The following MMEL1 variants were observed in gnomAD, a reference collection of about 807,000 sequenced individuals.
MMEL1 encodes the protein membrane metallo-endopeptidase-like 1.
In MMEL1, 98 loss-of-function variants were observed where a neutral mutation model predicts 117.1. That is an observed-to-expected ratio of 0.84 (90% CI 0.71 to 0.99). The LOEUF (loss-of-function observed/expected upper bound fraction) is 0.99, where lower values mean the gene tolerates loss of function less well. Ranked by LOEUF, MMEL1 falls within the 50% of genes least tolerant of loss-of-function variation. The probability of loss-of-function intolerance (pLI) is 0.00; values close to 1 mark genes in which losing one functional copy is unlikely to be tolerated. For missense variants in MMEL1, 1,014 were observed against 1,049.1 expected, an observed-to-expected ratio of 0.97 and a Z score of 0.46; for synonymous variants, 390 against 415.1, an observed-to-expected ratio of 0.94 and a Z score of 0.74.
At chr1:2,591,213 G>A in intron 23 of MMEL1, 124 bp from the exon 24 acceptor site, 1 of 657,714 alleles carries the variant, frequency 1.5e-6, no homozygotes, top group Non-Finnish European at 2.5e-6. Flanking sequence ...AGTATGAGCA[G>A]AAACATTTCA....
At chr1:2,596,476 G>T (rs779195272) in intron 14 of MMEL1, 85 bp downstream of exon 14, 32 of 1,538,292 alleles carry the variant, frequency 2.1e-5, no homozygotes, top group Non-Finnish European at 2.7e-5. Flanking sequence ...CCTGAGCCTG[G>T]GCGGGGTGGG....
chr1:2,603,126 G>A (rs536599176), intron 11 of MMEL1, among the ~76,000 whole-genome samples: 1 of 152,276 alleles, frequency 6.6e-6, no homozygotes, highest in South Asian at 2.1e-4. Context: ...GGTGCCCTGG[G>A]GCGAGGCTCT....
intron 5 of MMEL1, 50 bp downstream of exon 5, chr1:2,609,620 G>C: frequency 6.3e-7 from 1 of 1,578,904 alleles, no homozygotes; most frequent in East Asian, 2.2e-5. Flanking sequence ...CTGGCCCGGT[G>C]CTGTCCTGTT....
intron 2 of MMEL1, among the ~76,000 whole-genome samples, chr1:2,616,379 A>G (rs1184038567): frequency 2.0e-5 from 3 of 151,578 alleles, no homozygotes; most frequent in African/African-American, 7.3e-5. Flanking sequence ...AAAAAGACAC[A>G]TTATATTGAG....
In MMEL1 at chr1:2,632,938, G is replaced by A. The variant is rs551687338; in HGVS notation, c.-110C>T. The A allele has an allele frequency of 1.0e-6, 1 of 985,792 alleles. No individual in the cohort carries two copies. Among genetic ancestry groups the A allele is most frequent in the Non-Finnish European group, 1.2e-6 (1 of 830,178 alleles). The allele number at this position is 985,792 out of a possible 1,614,324, so 61.1% of individuals were successfully genotyped here. A position where few individuals can be genotyped will look rare whatever the true frequency, so the allele number is the denominator to read the frequency against. On this transcript the variant is annotated 5_prime_UTR_variant, in exon 1 of 24. Transcript: ENST00000378412. ...ACTGGGTCCCAGTGGGTTGGAGTTG[G>A]GGTGAGCTGGGCCAAGTGGGTGGAT...
At chr1:2,610,441 G>T (rs1645107245) in intron 4 of MMEL1, among the ~76,000 whole-genome samples, 1 of 152,166 alleles carries the variant, frequency 6.6e-6, no homozygotes. Flanking sequence ...TGAGGCGATG[G>T]CTGAGATGGT....
rs142520543 is a variant in MMEL1, at chr1:2,606,309, C to A, written c.689G>T (p.Arg230Leu). 12 of 1,612,916 alleles carry A rather than the reference C, an allele frequency of 7.4e-6. No homozygotes were observed. The highest frequency in any genetic ancestry group is 1.3e-5 in the African/African-American group (1 of 74,930). Residue 230 changes from arginine to leucine, a missense_variant, in exon 8 of 24, where the codon CGC becomes CTC. Arg to Leu is a moderately radical substitution (Grantham distance 102). Transcript: ENST00000378412. ...CCAGATGAAGAGGTCGATGAGGACG[C>A]GCCTGTTGAACTGTGAGTTCATCAG... is the stretch of plus-strand genomic sequence containing the variant. The part of the protein sequence containing the change: ...LALMNSQFNR[R>L]VLIDLFIWND...
At chr1:2,622,901 A>G (rs1645311902) in intron 2 of MMEL1, among the ~76,000 whole-genome samples, 1 of 111,202 alleles carries the variant, frequency 9.0e-6, no homozygotes, top group African/African-American at 3.8e-5. Context: ...AAAAAAAAAA[A>G]AAGTCCAGGA....
chr1:2,626,650 A>C (rs1011570187), intron 2 of MMEL1, among the ~76,000 whole-genome samples: 1 of 152,288 alleles, frequency 6.6e-6, no homozygotes, highest in African/African-American at 2.4e-5. Flanking sequence ...GGAGGAGTAG[A>C]ATTCTAGGAT....
At chr1:2,600,249 T>C (rs904406245) in intron 11 of MMEL1, among the ~76,000 whole-genome samples, 7 of 150,910 alleles carry the variant, frequency 4.6e-5, no homozygotes, top group African/African-American at 7.3e-5. Context: ...ATTACAGGCA[T>C]GAGCCACCAT....
At chr1:2,594,202 C>T (rs973766807) in intron 18 of MMEL1, 183 bp downstream of exon 18, 37 of 813,810 alleles carry the variant, frequency 4.5e-5, no homozygotes, top group East Asian at 1.1e-4. Context: ...AAGTCCCTCC[C>T]GAAGCCGCTC....
chr1:2,596,749 G>A, intron 13 of MMEL1, 60 bp from the exon 14 acceptor site: 16 of 1,598,508 alleles, frequency 1.0e-5, no homozygotes, highest in Non-Finnish European at 1.3e-5. Flanking sequence ...GGCCTGGCGT[G>A]GGGCCCTGGG....
rs1371930001 is a variant in MMEL1 at position 2,598,296 on chromosome 1, T to C, written c.1183A>G (p.Ile395Val). 2 of 1,613,896 alleles carry C rather than the reference T, an allele frequency of 1.2e-6. No homozygotes were observed. Among genetic ancestry groups the C allele is most frequent in the South Asian group, 1.1e-5 (1 of 91,090 alleles). The change falls in exon 13 of 24, where the codon ATA (isoleucine) becomes GTA (valine). Residue 395 changes from isoleucine (I) to valine (V), a missense_variant. Coordinates refer to ENST00000378412, the MANE Select transcript of MMEL1 (RefSeq NM_033467.4). ...NIIDTYSARTIQNYLVWRLVL... is the reference protein window; with the variant it reads ...NIIDTYSARTVQNYLVWRLVL... ...AGGCGCCAGACCAGGTAGTTCTGTA[T>C]GGTCCTGGGGGCAGAAGGTAGAGGG... is the stretch of plus-strand genomic sequence containing the variant.
Position 2,595,921 on chromosome 1 carries a change from C to A in MMEL1, c.1500+88G>T. On this transcript the variant is annotated intron_variant, in intron 15 of 23. Coordinates refer to ENST00000378412, the MANE Select transcript of MMEL1 (RefSeq NM_033467.4). This position sits in a 1 kb window ranked among gnomAD's most constrained non-coding sequence, Gnocchi z 4.8. Reference sequence around the variant, plus strand: ...GCGCCTCCCGGGGCTGCCTTCTCCCCGTGGGGACCGTCAGGAGGCTTTGTC... The same window carrying A: ...GCGCCTCCCGGGGCTGCCTTCTCCCAGTGGGGACCGTCAGGAGGCTTTGTC... 1 of 1,168,390 alleles carries A rather than the reference C, an allele frequency of 8.6e-7. No individual in the cohort carries two copies. The highest frequency in any genetic ancestry group is 1.3e-6 in the Non-Finnish European group (1 of 788,776). The allele number at this position is 1,168,390 out of a possible 1,614,324, so 72.4% of individuals were successfully genotyped here. A position where few individuals can be genotyped will look rare whatever the true frequency, so the allele number is the denominator to read the frequency against.
intron 11 of MMEL1, among the ~76,000 whole-genome samples, chr1:2,600,516 T>A (rs1047472891): frequency 6.9e-6 from 1 of 144,826 alleles, no homozygotes. Flanking sequence ...CTGGCCAACA[T>A]AGAGAAACCC....
Position 2,592,888 on chromosome 1 carries a change from TCTGA to T in MMEL1, c.1942_1945del (p.Glu649AlafsTer2), listed in dbSNP as rs754341794. On this transcript the variant is annotated frameshift_variant, in exon 20 of 24. Transcript: ENST00000378412. LOFTEE classifies it high-confidence loss of function. ...GTTGCCGTACTGGTAGATCATGCAC[TCTGA>T]CTGCTCCCGGAAGTGCTGGGTGGAG... is the stretch of plus-strand genomic sequence containing the variant. The T allele has an allele frequency of 3.7e-6, 6 of 1,613,756 alleles. No homozygotes were observed. Among genetic ancestry groups the T allele is most frequent in the East Asian group, 2.2e-5 (1 of 44,818 alleles).
intron 4 of MMEL1, among the ~76,000 whole-genome samples, chr1:2,610,871 C>T (rs1380648194): frequency 6.6e-6 from 1 of 152,250 alleles, no homozygotes; most frequent in East Asian, 1.9e-4. Context: ...AGCTTCTCCA[C>T]TATTGGCGCT....
chr1:2,605,031 C>G (rs1644999170), intron 9 of MMEL1, among the ~76,000 whole-genome samples: 1 of 152,180 alleles, frequency 6.6e-6, no homozygotes, highest in Non-Finnish European at 1.5e-5. Flanking sequence ...TGCCTCATGC[C>G]TGTTCACCTC....
At chr1:2,632,326 G>A (rs1001602763) in intron 1 of MMEL1, among the ~76,000 whole-genome samples, 1 of 152,182 alleles carries the variant, frequency 6.6e-6, no homozygotes, top group Admixed American at 6.5e-5. Context: ...GCTTCACCTA[G>A]ACTGGCACCC....
Sources: gnomAD v4.1 joint callset for allele counts (sites outside exome capture counted in the v4.1 genomes callset) on GRCh38, gnomAD v4.1.1 for gene constraint, Gnocchi (gnomAD v3.1) non-coding constraint, MANE v1.5 for transcripts, NCBI Gene and HGNC (gene_info 2026-07-23, HGNC 2026-07-21) for gene names.